PRKDC: variants seen among roughly 807,000 people sequenced by gnomAD.
PRKDC encodes the protein DNA-dependent protein kinase catalytic subunit.
In PRKDC, 82 loss-of-function variants were observed where a neutral mutation model predicts 486.9. The ratio of observed to expected loss-of-function variants is 0.17; its 90% CI spans 0.14 to 0.20. The LOEUF is 0.20. Ranked by LOEUF, PRKDC falls within the 10% of genes least tolerant of loss-of-function variation. The pLI is 1.00. For missense variants in PRKDC, 4,504 were observed against 5,038.2 expected, an observed-to-expected ratio of 0.89 and a Z score of 3.21; for synonymous variants, 1,895 against 1,837.0, an observed-to-expected ratio of 1.03 and a Z score of -0.81.
chr8:47,842,018 A>G (rs549085168), intron 54 of PRKDC, among the ~76,000 whole-genome samples: 86 of 152,214 alleles, frequency 5.6e-4, no homozygotes, highest in Non-Finnish European at 9.4e-4. Context: ...TACTATACCA[A>G]CAGACCACCC....
rs891534155 is a variant in PRKDC at position 47,774,381 on chromosome 8, G to C, written c.12183-4C>G. On this transcript the variant is annotated splice_polypyrimidine_tract_variant and splice_region_variant and intron_variant, in intron 85 of 85. Coordinates refer to ENST00000314191, the MANE Select transcript of PRKDC (RefSeq NM_006904.7). Reference sequence around the variant, plus strand: ...ATGACCCAGGAGTAGCTCATCACTGGAAAAAAAACAAACACAGAAAACACA... The same window carrying C: ...ATGACCCAGGAGTAGCTCATCACTGCAAAAAAAACAAACACAGAAAACACA... The C allele has an allele frequency of 1.2e-6, 2 of 1,608,072 alleles. No homozygotes were observed. Among genetic ancestry groups the C allele is most frequent in the Non-Finnish European group, 1.7e-6 (2 of 1,178,104 alleles).
intron 21 of PRKDC, among the ~76,000 whole-genome samples, chr8:47,919,540 C>A (rs549491491): frequency 6.6e-6 from 1 of 152,306 alleles, no homozygotes; most frequent in African/African-American, 2.4e-5. Flanking sequence ...AGGTGAGCTG[C>A]GCCGCGGGAG....
At chr8:47,949,633 C>T (rs989448629) in intron 7 of PRKDC, among the ~76,000 whole-genome samples, 1 of 152,046 alleles carries the variant, frequency 6.6e-6, no homozygotes, top group East Asian at 1.9e-4. Flanking sequence ...AAAATATGAC[C>T]GTAAGTGCTG....
rs139144550 is a variant in PRKDC, at chr8:47,905,470, T to C, written c.2935-494A>G. Among the ~76,000 whole-genome samples the C allele has an allele frequency of 1.8e-3, 275 of 152,290 alleles. 1 individual carries two copies. Among genetic ancestry groups the C allele is most frequent in the African/African-American group, 6.4e-3 (264 of 41,562 alleles). ...CTTTGTAATACTCATCTTTATTCAT[T>C]TGATCTTGAACGTGCACACAAGATA... On this transcript the variant is annotated intron_variant, in intron 25 of 85. Coordinates refer to ENST00000314191, the MANE Select transcript of PRKDC (RefSeq NM_006904.7).
At chr8:47,951,791 A>G (rs938239093) in intron 7 of PRKDC, among the ~76,000 whole-genome samples, 1 of 152,216 alleles carries the variant, frequency 6.6e-6, no homozygotes, top group African/African-American at 2.4e-5. Context: ...AATTAACCTA[A>G]AAAATGGGCA....
intron 54 of PRKDC, among the ~76,000 whole-genome samples, chr8:47,846,685 T>C (rs1174081969): frequency 6.6e-6 from 1 of 152,130 alleles, no homozygotes; most frequent in Non-Finnish European, 1.5e-5. Flanking sequence ...AAATAAAACA[T>C]ATTCAAATAG....
Position 47,820,704 on chromosome 8 carries a change from A to ATC in PRKDC, c.9336+14_9336+15insGA, listed in dbSNP as rs1397538360. 1 of 1,304,346 alleles carries ATC rather than the reference A, an allele frequency of 7.7e-7. No individual in the cohort carries two copies. The highest frequency in any genetic ancestry group is 1.6e-5 in the South Asian group (1 of 62,430). 80.8% of individuals were successfully genotyped at this position (1,304,346 alleles called of 1,614,324 possible). A position where few individuals can be genotyped will look rare whatever the true frequency, so the allele number is the denominator to read the frequency against. On this transcript the variant is annotated intron_variant, in intron 66 of 85. Transcript: ENST00000314191. ...TATATATATACAAGCATATATATAT[A>ATC]ATATATAGTATTACCTGCATAAAAC... is the stretch of plus-strand genomic sequence containing the variant.
At chr8:47,954,947 A>T (rs1293010943) in intron 4 of PRKDC, among the ~76,000 whole-genome samples, 1 of 151,988 alleles carries the variant, frequency 6.6e-6, no homozygotes, top group African/African-American at 2.4e-5. Context: ...CGAGGTCAGG[A>T]GTTCGAGACC....
At chr8:47,911,343 G>A (rs1589786252) in intron 25 of PRKDC, among the ~76,000 whole-genome samples, 1 of 152,240 alleles carries the variant, frequency 6.6e-6, no homozygotes, top group Non-Finnish European at 1.5e-5. Context: ...TCACACAGAG[G>A]ATGACCTGGC....
At chr8:47,867,193 G>A (rs944085241) in intron 40 of PRKDC, among the ~76,000 whole-genome samples, 3 of 152,102 alleles carry the variant, frequency 2.0e-5, no homozygotes, top group Non-Finnish European at 2.9e-5. Context: ...CTGATAGGGC[G>A]AGATCTGTAC....
rs527978570 is a variant in PRKDC at position 47,785,591 on chromosome 8, G to A, written c.10903-274C>T. 7.9e-5 allele frequency among the ~76,000 whole-genome samples: 12 copies of A among 152,228 alleles called. No individual in the cohort carries two copies. The South Asian group carries it at 2.5e-3, about 32-fold the overall frequency. ...TCTACAAAAAATAAAAACATTAGCT[G>A]GGTGTGATGGCACATGCCTGTAGTT... On this transcript the variant is annotated intron_variant, in intron 76 of 85. Coordinates refer to ENST00000314191, the MANE Select transcript of PRKDC (RefSeq NM_006904.7).
Position 47,788,911 on chromosome 8 carries a change from T to A in PRKDC, c.10897A>T (p.Ile3633Phe), listed in dbSNP as rs2086837703. The part of the protein sequence containing the change: ...PGLGAFRRKF[I>F]QTFGKEFDKH... The stretch of plus-strand genomic sequence containing the variant: ...CAGGCTGTGCCAGTCCATACCTGAA[T>A]AAACTTCCTTCTAAAGGCCCCCAGG... Residue 3633 changes from isoleucine to phenylalanine, a missense_variant, in exon 76 of 86, where the codon ATT becomes TTT. Coordinates refer to ENST00000314191, the MANE Select transcript of PRKDC (RefSeq NM_006904.7). The A allele has an allele frequency of 6.3e-7, 1 of 1,593,808 alleles. No individual in the cohort carries two copies. Among genetic ancestry groups the A allele is most frequent in the East Asian group, 2.2e-5 (1 of 44,738 alleles).
intron 45 of PRKDC, among the ~76,000 whole-genome samples, chr8:47,860,225 A>G (rs2088644873): frequency 6.6e-6 from 1 of 152,244 alleles, no homozygotes; most frequent in African/African-American, 2.4e-5. Flanking sequence ...AACAAGGAGC[A>G]TATAGAGGGA....
In PRKDC at chr8:47,934,997, T is replaced by C. The variant is rs1305194998; in HGVS notation, c.1497+12A>G. The C allele has an allele frequency of 6.7e-7, 1 of 1,497,480 alleles. No individual in the cohort carries two copies. Among genetic ancestry groups the C allele is most frequent in the African/African-American group, 1.4e-5 (1 of 71,618 alleles). The allele number at this position is 1,497,480 out of a possible 1,614,324, so 92.8% of individuals were successfully genotyped here. On this transcript the variant is annotated intron_variant, in intron 14 of 85. Transcript: ENST00000314191. ...ACAGATTAATTTTCTAAACATTAAA[T>C]TCAGAATTTACCTTTGGAAGGACCA...
chr8:47,887,806 C>T, intron 34 of PRKDC, 101 bp from the exon 35 acceptor site: 1 of 1,203,738 alleles, frequency 8.3e-7, no homozygotes, highest in Non-Finnish European at 1.1e-6. Context: ...TCAGATAGCA[C>T]TGACAACTAC....
intron 40 of PRKDC, among the ~76,000 whole-genome samples, chr8:47,867,214 T>C (rs2088838485): frequency 6.6e-6 from 1 of 151,886 alleles, no homozygotes; most frequent in Non-Finnish European, 1.5e-5. Flanking sequence ...AAGACACAAG[T>C]GGAAGAGATA....
intron 4 of PRKDC, 42 bp from the exon 5 acceptor site, chr8:47,954,488 C>T (rs1206106788): frequency 1.3e-6 from 1 of 768,132 alleles, no homozygotes; most frequent in East Asian, 3.2e-5. Flanking sequence ...GTGCGGGAAT[C>T]AAGAAAAAAA....
In PRKDC at chr8:47,935,756, G is replaced by T. The variant is rs1417160722; in HGVS notation, c.1423C>A (p.Leu475Ile). 6.2e-7 allele frequency: 1 copy of T among 1,613,844 alleles called. No homozygotes were observed. Among genetic ancestry groups the T allele is most frequent in the East Asian group, 2.2e-5 (1 of 44,884 alleles). The change falls in exon 13 of 86, where the codon CTC becomes ATC. Residue 475 changes from leucine (L) to isoleucine (I), a missense_variant. Physicochemically the swap from Leu to Ile is conservative, Grantham distance 5. Coordinates refer to ENST00000314191, the MANE Select transcript of PRKDC (RefSeq NM_006904.7). Reference protein sequence around the residue: ...FLALAAKGPVLRNCISTVVHQ... With the variant: ...FLALAAKGPVIRNCISTVVHQ... Reference sequence around the variant, plus strand: ...CCCACAGTACTAATGCAATTCCTGAGAACTGGCCCTTTTGCTGCCAAAGCT... The same window carrying T: ...CCCACAGTACTAATGCAATTCCTGATAACTGGCCCTTTTGCTGCCAAAGCT...
At chr8:47,778,024 T>C in intron 83 of PRKDC, 150 bp from the exon 84 acceptor site, 1 of 816,644 alleles carries the variant, frequency 1.2e-6, no homozygotes, top group South Asian at 1.8e-5. Context: ...CAGATGTGAG[T>C]TCCTATGCTC....
Sources: allele counts gnomAD v4.1 joint callset (sites outside exome capture counted in the v4.1 genomes callset), GRCh38; gene constraint gnomAD v4.1.1; transcripts MANE v1.5; gene names NCBI Gene and HGNC (gene_info 2026-07-23, HGNC 2026-07-21).